The following KALRN variants were observed in gnomAD, a reference collection of about 807,000 sequenced individuals.
The protein encoded by KALRN is kalirin RhoGEF kinase, also known as kalirin.
In KALRN, 70 loss-of-function variants were observed where a neutral mutation model predicts 353.7. The observed-to-expected ratio is 0.20, with a 90% CI of 0.16 to 0.24. The LOEUF is 0.24. KALRN is among the 10% of genes least tolerant of loss of function. The probability of loss-of-function intolerance (pLI) is 1.00; values close to 1 mark genes in which losing one functional copy is unlikely to be tolerated. For missense variants in KALRN, 2,791 were observed against 3,756.7 expected, an observed-to-expected ratio of 0.74 and a Z score of 6.72; for synonymous variants, 1,391 against 1,434.8, an observed-to-expected ratio of 0.97 and a Z score of 0.69.
Position 124,403,963 on chromosome 3 carries a change from G to C in KALRN, c.2346+5092G>C, listed in dbSNP as rs942767878. ...GGTTTCCCAATGAGGTTACACCTGA[G>C]GGCAGGCAAAAGTTGGTGGCTAGGA... On this transcript the variant is annotated intron_variant, in intron 13 of 59. Coordinates refer to ENST00000682506, the MANE Select transcript of KALRN (RefSeq NM_001388419.1). 1.2e-4 allele frequency among the ~76,000 whole-genome samples: 19 copies of C among 152,230 alleles called. No homozygotes were observed. In the East Asian group the frequency reaches 3.7e-3, roughly 29 times the overall value.
intron 34 of KALRN, among the ~76,000 whole-genome samples, chr3:124,627,801 A>C (rs1160222228): frequency 2.6e-5 from 4 of 152,212 alleles, no homozygotes; most frequent in African/African-American, 9.6e-5. Flanking sequence ...AACACACCCA[A>C]GACCACAGCC....
rs954989552 is a variant in KALRN at position 124,446,196 on chromosome 3, G to A, written c.3349G>A (p.Val1117Met). 5.0e-6 allele frequency: 8 copies of A among 1,613,964 alleles called. No homozygotes were observed. In the East Asian group the frequency reaches 6.7e-5, roughly 13 times the overall value. Residue 1117 changes from valine to methionine, a missense_variant, in exon 20 of 60, where the codon GTG becomes ATG. Coordinates refer to ENST00000682506, the MANE Select transcript of KALRN (RefSeq NM_001388419.1). ...LSELLQRENR[V>M]LHFWTLKKRR... ...TGAGCTCCTGCAGAGGGAGAATCGC[G>A]TGCTGCATTTCTGGACCTTGAAGAA...
At chr3:124,482,959 C>A in intron 28 of KALRN, 59 bp downstream of exon 28, 1 of 1,141,106 alleles carries the variant, frequency 8.8e-7, no homozygotes, top group Non-Finnish European at 1.3e-6. Context: ...CAAGGGAGTC[C>A]CAGCTTTGGC....
chr3:124,548,276 C>T (rs2069973224), intron 33 of KALRN, among the ~76,000 whole-genome samples: 1 of 152,174 alleles, frequency 6.6e-6, no homozygotes, highest in Non-Finnish European at 1.5e-5. Context: ...TGCTCTCAAT[C>T]CATATTGGTA....
chr3:124,326,661 G>C (rs1300017889), intron 7 of KALRN, among the ~76,000 whole-genome samples: 2 of 152,222 alleles, frequency 1.3e-5, no homozygotes, highest in Non-Finnish European at 2.9e-5. Context: ...GCATTGGCCA[G>C]TGACATTGCT....
At chr3:124,139,683 A>G (rs1281208688) in intron 1 of KALRN, among the ~76,000 whole-genome samples, 1 of 152,170 alleles carries the variant, frequency 6.6e-6, no homozygotes, top group African/African-American at 2.4e-5. Flanking sequence ...AAGGGTTGCA[A>G]GGAAGGAGAG....
chr3:124,178,285 A>G (rs2073069052), intron 1 of KALRN, among the ~76,000 whole-genome samples: 1 of 152,220 alleles, frequency 6.6e-6, no homozygotes, highest in Admixed American at 6.5e-5. Flanking sequence ...CTATATTCAT[A>G]CCTATAATAA....
chr3:124,293,733 C>T (rs1317663495), intron 5 of KALRN, among the ~76,000 whole-genome samples: 1 of 146,318 alleles, frequency 6.8e-6, no homozygotes, highest in Non-Finnish European at 1.6e-5. Flanking sequence ...TAGACACGAA[C>T]TTTCCTCTTT....
chr3:124,262,176 A>C (rs2072973252), intron 3 of KALRN, among the ~76,000 whole-genome samples: 2 of 152,144 alleles, frequency 1.3e-5, no homozygotes, highest in African/African-American at 4.8e-5. Flanking sequence ...ATGATCAAAT[A>C]AGTTATGGTA....
intron 34 of KALRN, among the ~76,000 whole-genome samples, chr3:124,627,078 G>C (rs1022046471): frequency 3.3e-5 from 5 of 152,136 alleles, no homozygotes; most frequent in African/African-American, 1.2e-4. Flanking sequence ...GCAGCTAATG[G>C]CAGCCATTTT....
intron 25 of KALRN, among the ~76,000 whole-genome samples, chr3:124,467,365 C>A (rs1321739219): frequency 6.6e-6 from 1 of 152,206 alleles, no homozygotes; most frequent in Non-Finnish European, 1.5e-5. Flanking sequence ...TGTGATTGAA[C>A]CCAGCCTCTG....
intron 10 of KALRN, among the ~76,000 whole-genome samples, chr3:124,372,453 G>A (rs1191758937): frequency 6.6e-6 from 1 of 150,794 alleles, no homozygotes; most frequent in Non-Finnish European, 1.5e-5. Flanking sequence ...ATTTATGTGA[G>A]CTTCTTTTAC....
intron 1 of KALRN, among the ~76,000 whole-genome samples, chr3:124,103,173 C>A (rs1559957200): frequency 6.6e-6 from 1 of 152,168 alleles, no homozygotes; most frequent in African/African-American, 2.4e-5. Context: ...TAGAGCGTAT[C>A]ATTGGGATGT....
chr3:124,482,916 T>A lies in KALRN; in HGVS notation c.4284+16T>A. 6.5e-7 allele frequency: 1 copy of A among 1,530,908 alleles called. No individual in the cohort carries two copies. The highest frequency in any genetic ancestry group is 9.1e-7 in the Non-Finnish European group (1 of 1,104,032). 94.8% of individuals were successfully genotyped at this position (1,530,908 alleles called of 1,614,324 possible). A position where few individuals can be genotyped will look rare whatever the true frequency, so the allele number is the denominator to read the frequency against. On this transcript the variant is annotated intron_variant, in intron 28 of 59. Transcript: ENST00000682506. ...GCTCCTGAAGGTACCTCCCCTCCCC[T>A]CTACATCCCCCTCCACTGCCTACTG...
chr3:124,112,433 C>T (rs550280107), intron 1 of KALRN, among the ~76,000 whole-genome samples: 9 of 152,044 alleles, frequency 5.9e-5, no homozygotes, highest in Non-Finnish European at 8.8e-5. Context: ...CCACAGAAGG[C>T]GAGGTATGAA....
At chr3:124,461,981 C>T in intron 24 of KALRN, 25 bp downstream of exon 24, 2 of 1,557,292 alleles carry the variant, frequency 1.3e-6, no homozygotes, top group Non-Finnish European at 8.8e-7. Flanking sequence ...AATCCGTTCA[C>T]AGCTATATTG....
intron 14 of KALRN, among the ~76,000 whole-genome samples, chr3:124,417,155 G>A (rs184064475): frequency 2.5e-3 from 376 of 152,346 alleles, no homozygotes; most frequent in Admixed American, 5.2e-3. Context: ...CTCAAGTTGG[G>A]AGATGGTAGG....
intron 33 of KALRN, among the ~76,000 whole-genome samples, chr3:124,554,512 T>G (rs1021713747): frequency 1.3e-5 from 2 of 152,262 alleles, no homozygotes; most frequent in Non-Finnish European, 2.9e-5. Context: ...TCTTTCTCAC[T>G]CTACAACTTT....
intron 27 of KALRN, among the ~76,000 whole-genome samples, chr3:124,479,969 C>G (rs1217554698): frequency 6.6e-6 from 1 of 152,058 alleles, no homozygotes; most frequent in Non-Finnish European, 1.5e-5. Context: ...GTGATCTACC[C>G]GCCTCGGCCT....
Sources: allele counts gnomAD v4.1 joint callset (sites outside exome capture counted in the v4.1 genomes callset), GRCh38; gene constraint gnomAD v4.1.1; transcripts MANE v1.5; gene names NCBI Gene and HGNC (gene_info 2026-07-23, HGNC 2026-07-21).